Variants in ST3GAL1 observed in about 807,000 individuals in gnomAD.
ST3GAL1 encodes the protein ST3 beta-galactoside alpha-2,3-sialyltransferase 1.
In ST3GAL1, 16 loss-of-function variants were observed where a neutral mutation model predicts 34.1. That is an observed-to-expected ratio of 0.47 (90% CI 0.32 to 0.71). The LOEUF is 0.71. Among genes scored for constraint, ST3GAL1 ranks in the 30% least tolerant of loss-of-function variants. ST3GAL1 has a pLI of 0.04. For missense variants in ST3GAL1, 353 were observed against 447.4 expected, an observed-to-expected ratio of 0.79 and a Z score of 1.90; for synonymous variants, 191 against 184.7, an observed-to-expected ratio of 1.03 and a Z score of -0.28.
chr8:133,562,112 C>A (rs1819242630), intron 1 of ST3GAL1, among the ~76,000 whole-genome samples: 2 of 151,894 alleles, frequency 1.3e-5, no homozygotes, highest in African/African-American at 4.8e-5. Context: ...GAGAGACCTA[C>A]CAAGTAGAAA....
chr8:133,539,971 G>C (rs1227586540), intron 2 of ST3GAL1, among the ~76,000 whole-genome samples: 1 of 152,172 alleles, frequency 6.6e-6, no homozygotes, highest in Non-Finnish European at 1.5e-5. Context: ...ATCTTATTCT[G>C]TTTTACCTCC....
At chr8:133,519,002 G>C (rs1430982046) in intron 2 of ST3GAL1, among the ~76,000 whole-genome samples, 7 of 152,084 alleles carry the variant, frequency 4.6e-5, no homozygotes, top group Non-Finnish European at 1.0e-4. Flanking sequence ...CCTGAGATTA[G>C]AGCCCCTCGG....
chr8:133,511,484 C>A (rs1817495724), intron 2 of ST3GAL1, among the ~76,000 whole-genome samples: 1 of 152,202 alleles, frequency 6.6e-6, no homozygotes, highest in Admixed American at 6.5e-5. Context: ...ATCTTCCAAA[C>A]AATCTATTAG....
intron 2 of ST3GAL1, among the ~76,000 whole-genome samples, chr8:133,515,930 A>G (rs909303595): frequency 3.3e-5 from 5 of 152,052 alleles, no homozygotes; most frequent in Admixed American, 6.6e-5. Context: ...ATCTCGGCTC[A>G]CTGCAACCTC....
intron 1 of ST3GAL1, among the ~76,000 whole-genome samples, chr8:133,565,161 G>GTGTGTA (rs1819355638): frequency 6.9e-6 from 1 of 145,662 alleles, no homozygotes; most frequent in African/African-American, 2.7e-5. Flanking sequence ...CTGTGTGTGT[G>GTGTGTA]TGTGTGTGTG....
chr8:133,486,996 T>A (rs1816627942), intron 3 of ST3GAL1, among the ~76,000 whole-genome samples: 1 of 152,220 alleles, frequency 6.6e-6, no homozygotes. Context: ...CAGGCTGGAG[T>A]GCAGTGGTGT....
intron 2 of ST3GAL1, among the ~76,000 whole-genome samples, chr8:133,527,465 T>C (rs1818012451): frequency 6.6e-6 from 1 of 152,164 alleles, no homozygotes; most frequent in African/African-American, 2.4e-5. Context: ...ATGACGGTTA[T>C]GAGCAAGGAG....
intron 1 of ST3GAL1, among the ~76,000 whole-genome samples, chr8:133,555,228 A>C (rs769223419): frequency 5.3e-5 from 8 of 151,966 alleles, no homozygotes; most frequent in Non-Finnish European, 1.2e-4. Flanking sequence ...GCTTTAGTTC[A>C]TCTTCCTCAT....
rs1816549039 is a variant in ST3GAL1 at position 133,485,474 on chromosome 8, A to AAGGT, written c.-373-8875_-373-8874insACCT. 4.6e-5 allele frequency among the ~76,000 whole-genome samples: 7 copies of AAGGT among 152,210 alleles called. No individual in the cohort carries two copies. In the Middle Eastern group the frequency reaches 0.017, roughly 370 times the overall value. Reference sequence around the variant, plus strand: ...CAAACCCTGGAGGTCCCCCATTCTCACTGCCCTTCCAAGAACTTCATAAGC... The same window carrying AAGGT: ...CAAACCCTGGAGGTCCCCCATTCTCAAGGTCTGCCCTTCCAAGAACTTCATAAGC... On this transcript the variant is annotated intron_variant, in intron 3 of 9. Transcript: ENST00000522652.
chr8:133,532,466 A>C lies in ST3GAL1; in HGVS notation c.-429+13308T>G, dbSNP rs188836434. 3.8e-3 allele frequency among the ~76,000 whole-genome samples: 584 copies of C among 152,310 alleles called. 3 individuals carry two copies. Among genetic ancestry groups the C allele is most frequent in the African/African-American group, 0.013 (560 of 41,550 alleles). On this transcript the variant is annotated intron_variant, in intron 2 of 9. Transcript: ENST00000522652. ...CAGAGCGAGACTCTGTCTCAAAAAA[A>C]AAAGTCATTTATGTTACCATATGAT...
rs1024931382 is a variant in ST3GAL1, at chr8:133,556,157, A to G, written c.-581-10231T>C. 1.3e-5 allele frequency among the ~76,000 whole-genome samples: 2 copies of G among 151,980 alleles called. No homozygotes were observed. Among genetic ancestry groups the G allele is most frequent in the South Asian group, 2.1e-4 (1 of 4,828 alleles). On this transcript the variant is annotated intron_variant, in intron 1 of 9. Transcript: ENST00000522652. The surrounding 1 kb of genome is among the most constrained non-coding windows in gnomAD (Gnocchi z 8.9). Reference sequence around the variant, plus strand: ...GCAATCCACCCATCTCGGCCTCCCAAAGTGCTAGGATTGCAGGCATGAGCC... The same window carrying G: ...GCAATCCACCCATCTCGGCCTCCCAGAGTGCTAGGATTGCAGGCATGAGCC...
rs1278893341 is a variant in ST3GAL1 at position 133,461,608 on chromosome 8, C to T, written c.849+267G>A. ...CCGCTTCTGTATCCGGAATCTGCTG[C>T]GAGATCCGAGCTTCCACCACCACGG... On this transcript the variant is annotated intron_variant, in intron 9 of 9. Coordinates refer to ENST00000522652, the MANE Select transcript of ST3GAL1 (RefSeq NM_173344.3). The surrounding 1 kb of genome is among the most constrained non-coding windows in gnomAD (Gnocchi z 4.7). 6.6e-6 allele frequency among the ~76,000 whole-genome samples: 1 copy of T among 152,186 alleles called. No individual in the cohort carries two copies. Among genetic ancestry groups the T allele is most frequent in the East Asian group, 1.9e-4 (1 of 5,192 alleles).
At position 133,528,248 on chromosome 8, in the gene ST3GAL1, C is replaced by G. The variant is rs1157036955; in HGVS notation, c.-429+17526G>C. On this transcript the variant is annotated intron_variant, in intron 2 of 9. Coordinates refer to ENST00000522652, the MANE Select transcript of ST3GAL1 (RefSeq NM_173344.3). Reference sequence around the variant, plus strand: ...TATTTAGTTTCACTCCTAGGGCCCCCAGAGACCACACCAAGCCCCTTGCCA... The same window carrying G: ...TATTTAGTTTCACTCCTAGGGCCCCGAGAGACCACACCAAGCCCCTTGCCA... 7.2e-5 allele frequency among the ~76,000 whole-genome samples: 11 copies of G among 152,158 alleles called. No individual in the cohort carries two copies. In the South Asian group the frequency reaches 2.3e-3, roughly 31 times the overall value.
chr8:133,465,881 G>A lies in ST3GAL1; in HGVS notation c.503+13C>T. ...TGCAGCACGGTAGGCTTGGGAGAGG[G>A]TCTGGCACTCACCTGAGGACAAAGT... On this transcript the variant is annotated intron_variant, in intron 6 of 9. Coordinates refer to ENST00000522652, the MANE Select transcript of ST3GAL1 (RefSeq NM_173344.3). 1 of 1,611,368 alleles carries A rather than the reference G, an allele frequency of 6.2e-7. No homozygotes were observed. The highest frequency in any genetic ancestry group is 8.5e-7 in the Non-Finnish European group (1 of 1,178,328).
At chr8:133,499,101 A>T (rs1817067330) in intron 3 of ST3GAL1, 34 bp downstream of exon 3, 1 of 152,366 alleles carries the variant, frequency 6.6e-6, no homozygotes, top group African/African-American at 2.4e-5. Flanking sequence ...GGAGTGAAAG[A>T]GAGCTGGGTT....
intron 3 of ST3GAL1, among the ~76,000 whole-genome samples, chr8:133,489,057 C>G (rs1235954949): frequency 6.6e-6 from 1 of 152,156 alleles, no homozygotes; most frequent in Non-Finnish European, 1.5e-5. Flanking sequence ...CCCATCCACA[C>G]ATTAGCTGTG....
intron 2 of ST3GAL1, among the ~76,000 whole-genome samples, chr8:133,509,552 G>A (rs1817443957): frequency 6.6e-6 from 1 of 152,256 alleles, no homozygotes; most frequent in South Asian, 2.1e-4. Flanking sequence ...GAGCTCCTGA[G>A]TGAGCCGCTT....
At chr8:133,551,517 AGAAAGAAAGAGAAAGAAAGAGAAG>A (rs1818840116) in intron 1 of ST3GAL1, among the ~76,000 whole-genome samples, 6 of 144,152 alleles carry the variant, frequency 4.2e-5, no homozygotes, top group African/African-American at 1.7e-4. Flanking sequence ...AAAGACAGAA[AGAAAGAAAGAGAAAGAAAGAGAAG>A]GAAAGAAAGA....
intron 1 of ST3GAL1, among the ~76,000 whole-genome samples, chr8:133,558,856 T>C (rs755223599): frequency 4.6e-5 from 7 of 152,170 alleles, no homozygotes; most frequent in Admixed American, 2.0e-4. Flanking sequence ...CATTTCATTA[T>C]AACATTGATG....
Sources: allele counts gnomAD v4.1 joint callset (sites outside exome capture counted in the v4.1 genomes callset), GRCh38; gene constraint gnomAD v4.1.1; non-coding constraint Gnocchi (gnomAD v3.1); transcripts MANE v1.5; gene names NCBI Gene and HGNC (gene_info 2026-07-23, HGNC 2026-07-21).